KCNIP4: variants seen among roughly 807,000 people sequenced by gnomAD.
KCNIP4 encodes potassium voltage-gated channel interacting protein 4, also known as Kv channel-interacting protein 4.
A neutral mutation model predicts 34.0 loss-of-function variants in KCNIP4; 12 were observed. That is an observed-to-expected ratio of 0.35 (90% confidence interval 0.23 to 0.57). The LOEUF (loss-of-function observed/expected upper bound fraction) is 0.57, where lower values mean the gene tolerates loss of function less well. KCNIP4 is among the 20% of genes least tolerant of loss of function. The pLI is 0.83. For missense variants in KCNIP4, 238 were observed against 311.7 expected (o/e 0.76, Z 1.78); for synonymous variants, 124 against 102.2 (o/e 1.21, Z -1.29).
chr4:20,939,054 A>T (rs1340050690), intron 1 of KCNIP4, among the ~76,000 whole-genome samples: 6 of 151,164 alleles, frequency 4.0e-5, no homozygotes, highest in Admixed American at 2.6e-4. Flanking sequence ...CATTTTTCAC[A>T]TTTTTTTTTA....
At chr4:21,040,398 G>A (rs1741854166) in intron 1 of KCNIP4, among the ~76,000 whole-genome samples, 3 of 151,994 alleles carry the variant, frequency 2.0e-5, no homozygotes, top group Admixed American at 2.0e-4. Flanking sequence ...AACATCTTAA[G>A]GTGAACAAGG....
At chr4:21,897,913 T>C (rs1727489129) in intron 1 of KCNIP4, among the ~76,000 whole-genome samples, 1 of 152,194 alleles carries the variant, frequency 6.6e-6, no homozygotes, top group Non-Finnish European at 1.5e-5. Flanking sequence ...CACCATCCCC[T>C]GGCAGCAGGC....
intron 1 of KCNIP4, among the ~76,000 whole-genome samples, chr4:21,407,916 A>G (rs962912627): frequency 6.6e-6 from 1 of 152,212 alleles, no homozygotes; most frequent in Non-Finnish European, 1.5e-5. Flanking sequence ...TGCTGAAATA[A>G]ATTTGCTCAT....
chr4:21,528,751 G>GA lies in KCNIP4; in HGVS notation c.61+419819dup, dbSNP rs1487161750. Among the ~76,000 whole-genome samples, 49 of 8,642 alleles carry GA rather than the reference G, an allele frequency of 5.7e-3. 7 individuals carry two copies. The highest frequency in any genetic ancestry group is 0.025 in the African/African-American group (48 of 1,890). 5.7% of individuals were successfully genotyped at this position (8,642 alleles called of 152,430 possible). A position where few individuals can be genotyped will look rare whatever the true frequency, so the allele number is the denominator to read the frequency against. ...AGAAAGAAAGAAAGAAAGAAAGAAA[G>GA]AAAGAAAGAAAGAAAGAAAGAAAGA... On this transcript the variant is annotated intron_variant, in intron 1 of 8. Transcript: ENST00000382152.
chr4:21,113,598 G>T (rs933369448), intron 1 of KCNIP4, among the ~76,000 whole-genome samples: 1 of 151,692 alleles, frequency 6.6e-6, no homozygotes, highest in Non-Finnish European at 1.5e-5. Flanking sequence ...GGGAGAGATT[G>T]TTCCCCATGT....
At chr4:21,046,137 A>G (rs1270246492) in intron 1 of KCNIP4, among the ~76,000 whole-genome samples, 2 of 152,362 alleles carry the variant, frequency 1.3e-5, no homozygotes, top group East Asian at 3.9e-4. Flanking sequence ...CTTATTTTGA[A>G]TGTGATGCAA....
At chr4:21,601,900 C>A (rs946826815) in intron 1 of KCNIP4, among the ~76,000 whole-genome samples, 1 of 152,144 alleles carries the variant, frequency 6.6e-6, no homozygotes, top group Non-Finnish European at 1.5e-5. Flanking sequence ...ACCACACCAT[C>A]AAACGCTAAG....
intron 1 of KCNIP4, among the ~76,000 whole-genome samples, chr4:21,838,746 G>A (rs1723496451): frequency 6.6e-6 from 1 of 152,070 alleles, no homozygotes. Flanking sequence ...GGTACAAACA[G>A]TTTGGGGCTC....
intron 1 of KCNIP4, among the ~76,000 whole-genome samples, chr4:21,635,563 G>A (rs971925484): frequency 1.3e-5 from 2 of 152,122 alleles, no homozygotes; most frequent in African/African-American, 4.8e-5. Flanking sequence ...GGCCATCAGA[G>A]AAATGCAAAT....
At chr4:21,227,030 G>T (rs769593324) in intron 1 of KCNIP4, among the ~76,000 whole-genome samples, 30 of 152,132 alleles carry the variant, frequency 2.0e-4, no homozygotes, top group Admixed American at 1.4e-3. Context: ...CTTAGAAAAA[G>T]CTCAGGGCAT....
At chr4:21,507,874 C>T (rs569034914) in intron 1 of KCNIP4, among the ~76,000 whole-genome samples, 1 of 152,136 alleles carries the variant, frequency 6.6e-6, no homozygotes, top group Non-Finnish European at 1.5e-5. Flanking sequence ...AGTTTATGTG[C>T]AAGACCATGA....
rs2109078309 is a variant in KCNIP4, at chr4:21,251,274, A to C, written c.62-368565T>G. ...GCAGAAAATTTTAGGAAAATTATAC[A>C]GGAGAGGAGATCTTTATTTTCATCT... On this transcript the variant is annotated intron_variant, in intron 1 of 8. Transcript: ENST00000382152. Among the ~76,000 whole-genome samples, 2 of 152,194 alleles carry C rather than the reference A, an allele frequency of 1.3e-5. 1 individual carries two copies. The highest frequency in any genetic ancestry group is 1.3e-4 in the Admixed American group (2 of 15,304).
chr4:21,505,017 T>C (rs1269864456), intron 1 of KCNIP4, among the ~76,000 whole-genome samples: 1 of 152,188 alleles, frequency 6.6e-6, no homozygotes, highest in Non-Finnish European at 1.5e-5. Context: ...ACTTTAAAAG[T>C]AATTGCTCTA....
At chr4:20,988,000 C>CAAAAAAAAAAAAAAAAAAA (rs36044149) in intron 1 of KCNIP4, among the ~76,000 whole-genome samples, 923 of 46,220 alleles carry the variant, frequency 0.02, 107 homozygotes, top group Non-Finnish European at 0.026. Flanking sequence ...GATTCCATCT[C>CAAAAAAAAAAAAAAAAAAA]AAAAAAAAAA....
At chr4:21,866,983 G>T (rs914210065) in intron 1 of KCNIP4, among the ~76,000 whole-genome samples, 2 of 151,940 alleles carry the variant, frequency 1.3e-5, no homozygotes, top group East Asian at 3.9e-4. Context: ...ATGTTAGCCA[G>T]GATGGTCTCG....
intron 1 of KCNIP4, among the ~76,000 whole-genome samples, chr4:21,686,846 G>A (rs1406485359): frequency 6.6e-6 from 1 of 151,766 alleles, no homozygotes; most frequent in Non-Finnish European, 1.5e-5. Flanking sequence ...TATAAATCAT[G>A]CTGCTATAAA....
chr4:21,805,607 AAC>A (rs1248011382), intron 1 of KCNIP4, among the ~76,000 whole-genome samples: 1 of 152,084 alleles, frequency 6.6e-6, no homozygotes, highest in Non-Finnish European at 1.5e-5. Context: ...ATGTCCACCT[AAC>A]AGGAACCCGA....
chr4:21,011,152 T>C (rs1319137670), intron 1 of KCNIP4, among the ~76,000 whole-genome samples: 3 of 152,218 alleles, frequency 2.0e-5, no homozygotes, highest in Non-Finnish European at 4.4e-5. Context: ...AAAACATATA[T>C]AAGTAATTGG....
intron 1 of KCNIP4, among the ~76,000 whole-genome samples, chr4:21,367,467 C>CCAACTCTGAAACTGAG (rs1578135522): frequency 1.3e-4 from 20 of 148,608 alleles, no homozygotes; most frequent in South Asian, 6.3e-4. Flanking sequence ...GCTGGAGACT[C>CCAACTCTGAAACTGAG]TACCTAACTG....
Sources: allele counts gnomAD v4.1 joint callset (sites outside exome capture counted in the v4.1 genomes callset), GRCh38; gene constraint gnomAD v4.1.1; transcripts MANE v1.5; gene names NCBI Gene and HGNC (gene_info 2026-07-23, HGNC 2026-07-21).